Variants in THRB observed in about 807,000 individuals in gnomAD.
THRB encodes nuclear receptor subfamily 1 group A member 2.
In THRB, 12 loss-of-function variants were observed where a neutral mutation model predicts 47.8. The ratio of observed to expected loss-of-function variants is 0.25; its 90% CI spans 0.16 to 0.41. The LOEUF (loss-of-function observed/expected upper bound fraction) is 0.41, where lower values mean the gene tolerates loss of function less well. Among genes scored for constraint, THRB ranks in the 10% least tolerant of loss-of-function variants. The pLI is 1.00. For missense variants in THRB, 348 were observed against 589.2 expected, an observed-to-expected ratio of 0.59 and a Z score of 4.24; for synonymous variants, 218 against 212.2, an observed-to-expected ratio of 1.03 and a Z score of -0.24.
intron 1 of THRB, among the ~76,000 whole-genome samples, chr3:24,389,414 TAGAC>T (rs1291632741): frequency 6.6e-6 from 1 of 152,178 alleles, no homozygotes; most frequent in Non-Finnish European, 1.5e-5. Flanking sequence ...AAACTATTGT[TAGAC>T]AGAATAATAT....
At chr3:24,346,695 T>C (rs1017697958) in intron 1 of THRB, among the ~76,000 whole-genome samples, 3 of 151,942 alleles carry the variant, frequency 2.0e-5, no homozygotes, top group African/African-American at 7.2e-5. Context: ...AAAAAGACAT[T>C]TCATAATAGT....
At chr3:24,194,326 A>G (rs2043707758) in intron 4 of THRB, among the ~76,000 whole-genome samples, 1 of 142,736 alleles carries the variant, frequency 7.0e-6, no homozygotes, top group African/African-American at 2.6e-5. Context: ...CTGGGACACA[A>G]TGCACACAGT....
chr3:24,267,118 C>A (rs759764022), intron 3 of THRB, among the ~76,000 whole-genome samples: 11 of 151,824 alleles, frequency 7.2e-5, no homozygotes, highest in Admixed American at 3.3e-4. Flanking sequence ...ACGAGAGAAA[C>A]AAACTGAGAA....
At chr3:24,361,089 A>G (rs1245345826) in intron 1 of THRB, among the ~76,000 whole-genome samples, 1 of 152,208 alleles carries the variant, frequency 6.6e-6, no homozygotes, top group Non-Finnish European at 1.5e-5. Flanking sequence ...CCAGATTTTT[A>G]TAATAACTGT....
intron 4 of THRB, among the ~76,000 whole-genome samples, chr3:24,218,062 C>T (rs1057013257): frequency 1.3e-5 from 2 of 151,996 alleles, no homozygotes; most frequent in South Asian, 4.2e-4. Flanking sequence ...GTCAGGAGAT[C>T]GAGACCATCC....
chr3:24,165,295 G>A, intron 5 of THRB: 4 of 765,084 alleles, frequency 5.2e-6, no homozygotes, highest in South Asian at 4.0e-5. Flanking sequence ...TGGACTGCAT[G>A]TAGCAATTGC....
intron 1 of THRB, among the ~76,000 whole-genome samples, chr3:24,491,087 T>G (rs1407798554): frequency 6.6e-6 from 1 of 152,338 alleles, no homozygotes; most frequent in South Asian, 2.1e-4. Flanking sequence ...CTTACAAGTT[T>G]AATGCATGCC....
chr3:24,213,853 T>G (rs1352522567), intron 4 of THRB, among the ~76,000 whole-genome samples: 1 of 152,134 alleles, frequency 6.6e-6, no homozygotes, highest in African/African-American at 2.4e-5. Flanking sequence ...TCCTCTAAGT[T>G]TGAAGCAAGA....
At chr3:24,355,876 A>C (rs1036555974) in intron 1 of THRB, among the ~76,000 whole-genome samples, 2 of 152,166 alleles carry the variant, frequency 1.3e-5, no homozygotes, top group Non-Finnish European at 2.9e-5. Flanking sequence ...CAAATTAGCT[A>C]TATGAAAAAT....
chr3:24,278,107 T>C (rs2054129004), intron 3 of THRB, among the ~76,000 whole-genome samples: 3 of 152,280 alleles, frequency 2.0e-5, no homozygotes, highest in Middle Eastern at 6.8e-3. Context: ...ACAGAAGATA[T>C]GCAGAAAAAT....
At chr3:24,265,085 G>A (rs565620207) in intron 3 of THRB, among the ~76,000 whole-genome samples, 1 of 152,294 alleles carries the variant, frequency 6.6e-6, no homozygotes, top group African/African-American at 2.4e-5. Flanking sequence ...ATAAAAAAGG[G>A]TTAGCCATCA....
chr3:24,205,306 C>T (rs111267011), intron 4 of THRB, among the ~76,000 whole-genome samples: 28,203 of 152,166 alleles, frequency 0.19, 2,807 homozygotes, highest in Non-Finnish European at 0.22. Context: ...GCAGATCTCT[C>T]GGCAGAAACT....
At chr3:24,265,380 G>A (rs1170351005) in intron 3 of THRB, among the ~76,000 whole-genome samples, 3 of 152,172 alleles carry the variant, frequency 2.0e-5, no homozygotes, top group Admixed American at 2.0e-4. Flanking sequence ...AATAATTTAG[G>A]AAATGTCTCA....
At chr3:24,205,987 C>G in intron 4 of THRB, among the ~76,000 whole-genome samples, 1 of 152,096 alleles carries the variant, frequency 6.6e-6, no homozygotes, top group East Asian at 1.9e-4. Flanking sequence ...ACAGGAGCAC[C>G]CAGATTCACA....
At chr3:24,204,909 G>A (rs912790242) in intron 4 of THRB, among the ~76,000 whole-genome samples, 2 of 152,190 alleles carry the variant, frequency 1.3e-5, no homozygotes, top group African/African-American at 4.8e-5. Context: ...ATCAGTGATT[G>A]AAGATCAAAT....
intron 4 of THRB, among the ~76,000 whole-genome samples, chr3:24,204,974 A>T (rs1035717803): frequency 6.6e-6 from 1 of 152,200 alleles, no homozygotes; most frequent in Non-Finnish European, 1.5e-5. Context: ...AAAGAAACGA[A>T]CAAAGCCTCC....
chr3:24,150,600 AG>A (rs1417572156), intron 6 of THRB, among the ~76,000 whole-genome samples: 1 of 152,204 alleles, frequency 6.6e-6, no homozygotes, highest in Non-Finnish European at 1.5e-5. Context: ...ATCATCCTGA[AG>A]ACATATGTGA....
At chr3:24,454,496 G>T (rs994399952) in intron 1 of THRB, among the ~76,000 whole-genome samples, 13 of 152,050 alleles carry the variant, frequency 8.5e-5, no homozygotes, top group African/African-American at 2.9e-4. Flanking sequence ...ACTTTAAGTG[G>T]GTAAATTGCA....
chr3:24,169,641 G>A (rs1465945389), intron 5 of THRB, among the ~76,000 whole-genome samples: 1 of 149,170 alleles, frequency 6.7e-6, no homozygotes, highest in Non-Finnish European at 1.5e-5. Context: ...GACTGGCCTA[G>A]TAAGTGACAT....
Sources: allele counts gnomAD v4.1 joint callset (sites outside exome capture counted in the v4.1 genomes callset), GRCh38; gene constraint gnomAD v4.1.1; transcripts MANE v1.5; gene names NCBI Gene and HGNC (gene_info 2026-07-23, HGNC 2026-07-21).